The following SGCD variants were observed in gnomAD, a reference collection of about 807,000 sequenced individuals.
The protein encoded by SGCD is delta-sarcoglycan.
Under a neutral mutation model 36.6 loss-of-function variants are expected in SGCD, and 18 were observed. The observed-to-expected ratio is 0.49, with a 90% CI of 0.34 to 0.73. The LOEUF (loss-of-function observed/expected upper bound fraction) is 0.73. Among genes scored for constraint, SGCD ranks in the 30% least tolerant of loss-of-function variants. SGCD has a pLI of 0.01. For missense variants in SGCD, 387 were observed against 346.7 expected (o/e 1.12, Z -0.92); for synonymous variants, 133 against 130.6 (o/e 1.02, Z -0.12).
chr5:156,629,855 C>CTTTTTTTTTTTTTT (rs560099325), intron 6 of SGCD, among the ~76,000 whole-genome samples: 1 of 85,626 alleles, frequency 1.2e-5, no homozygotes, highest in Non-Finnish European at 2.4e-5. Context: ...GAGACTTTTT[C>CTTTTTTTTTTTTTT]TTTTTTTTTT....
chr5:155,998,495 G>A (rs1758600182), intron 1 of SGCD, among the ~76,000 whole-genome samples: 1 of 151,914 alleles, frequency 6.6e-6, no homozygotes, highest in African/African-American at 2.4e-5. Flanking sequence ...TTCCTCTATT[G>A]GCTTACATTG....
intron 3 of SGCD, among the ~76,000 whole-genome samples, chr5:156,284,573 AT>A (rs1766543814): frequency 2.6e-5 from 4 of 152,204 alleles, no homozygotes; most frequent in Non-Finnish European, 4.4e-5. Context: ...GACAAAAACC[AT>A]ATCATTATCT....
intron 6 of SGCD, among the ~76,000 whole-genome samples, chr5:156,633,315 A>G (rs1389399073): frequency 1.3e-5 from 2 of 152,188 alleles, no homozygotes; most frequent in Non-Finnish European, 2.9e-5. Flanking sequence ...CTCAAACAGG[A>G]CTACCTAGGT....
chr5:156,576,409 G>C (rs1037095862), intron 4 of SGCD, among the ~76,000 whole-genome samples: 5 of 152,126 alleles, frequency 3.3e-5, no homozygotes, highest in African/African-American at 1.2e-4. Flanking sequence ...CTTTATAGTA[G>C]CATGATTTAT....
At chr5:156,746,990 T>C in intron 7 of SGCD, among the ~76,000 whole-genome samples, 1 of 152,246 alleles carries the variant, frequency 6.6e-6, no homozygotes, top group Middle Eastern at 3.4e-3. Flanking sequence ...TTACTTAGGA[T>C]ATATACAAAG....
chr5:156,375,002 T>C (rs1770581480), intron 3 of SGCD, among the ~76,000 whole-genome samples: 1 of 152,230 alleles, frequency 6.6e-6, no homozygotes, highest in South Asian at 2.1e-4. Flanking sequence ...TTGTTTTGCG[T>C]GTGTGTGTAA....
intron 3 of SGCD, among the ~76,000 whole-genome samples, chr5:156,284,821 A>T (rs548091591): frequency 1.5e-3 from 222 of 152,320 alleles, no homozygotes; most frequent in African/African-American, 5.1e-3. Flanking sequence ...AGTTCTGGCC[A>T]GGGCAATGAG....
At chr5:156,324,443 GA>G (rs146903647), upstream of SGCD, among the ~76,000 whole-genome samples, 8 of 146,798 alleles carry the variant, frequency 5.4e-5, no homozygotes, top group Admixed American at 2.0e-4. Context: ...ATATGATATT[GA>G]AAAAAAAAAG....
chr5:155,956,825 T>C lies in SGCD; in HGVS notation c.-282+86401T>C, dbSNP rs184491221. Among the ~76,000 whole-genome samples, 364 of 143,160 alleles carry C rather than the reference T, an allele frequency of 2.5e-3. 2 individuals carry two copies. The highest frequency in any genetic ancestry group is 1.8e-3 in the Non-Finnish European group (117 of 65,338). 93.9% of individuals were successfully genotyped at this position (143,160 alleles called of 152,430 possible). On this transcript the variant is annotated intron_variant, in intron 1 of 9. Coordinates refer to the SGCD transcript ENST00000517913. ...CCCCCCCCCGGTTAATCCAGGATGA[T>C]CTAATCTCGAGATCCTTTACTTAGT...
At chr5:155,924,733 C>T (rs556948979) in intron 1 of SGCD, among the ~76,000 whole-genome samples, 9 of 152,006 alleles carry the variant, frequency 5.9e-5, no homozygotes, top group Non-Finnish European at 1.3e-4. Context: ...GAATTGGGGT[C>T]TCCAGATTTT....
At chr5:155,772,943 A>G in the SGCD span, among the ~76,000 whole-genome samples, 1 of 152,104 alleles carries the variant, frequency 6.6e-6, no homozygotes, top group South Asian at 2.1e-4. Context: ...AAGCATGCCC[A>G]CTGTGGAACT....
At chr5:155,924,342 G>A (rs1182709458) in intron 1 of SGCD, among the ~76,000 whole-genome samples, 4 of 152,184 alleles carry the variant, frequency 2.6e-5, no homozygotes, top group Admixed American at 2.6e-4. Flanking sequence ...TGTCAGCACA[G>A]AGGAAGGGAT....
chr5:155,748,050 C>CATCTA, the SGCD span, among the ~76,000 whole-genome samples: 1 of 152,012 alleles, frequency 6.6e-6, no homozygotes, highest in East Asian at 1.9e-4. Flanking sequence ...CCTACCTTTC[C>CATCTA]ATCTTATCTT....
At chr5:156,055,287 C>A (rs1760032432) in intron 1 of SGCD, among the ~76,000 whole-genome samples, 1 of 145,212 alleles carries the variant, frequency 6.9e-6, no homozygotes, top group South Asian at 2.2e-4. Flanking sequence ...GTAAAGGTGG[C>A]TGTTGATTAA....
chr5:156,629,940 C>T (rs958943123), intron 6 of SGCD, among the ~76,000 whole-genome samples: 1 of 148,956 alleles, frequency 6.7e-6, no homozygotes, highest in African/African-American at 2.5e-5. Context: ...TGGCTCACTG[C>T]AACCTCTGCA....
chr5:156,723,875 G>GTGTC (rs1393633779), intron 7 of SGCD, among the ~76,000 whole-genome samples: 35 of 151,856 alleles, frequency 2.3e-4, no homozygotes, highest in Admixed American at 1.3e-4. Flanking sequence ...GTGTGTGTGT[G>GTGTC]TGTATGCATG....
At chr5:156,631,734 A>G (rs528825314) in intron 6 of SGCD, among the ~76,000 whole-genome samples, 28 of 152,184 alleles carry the variant, frequency 1.8e-4, no homozygotes, top group Admixed American at 1.2e-3. Flanking sequence ...TGGTATTGAA[A>G]ATTGACTAGC....
chr5:155,993,337 C>CTT (rs34221751), intron 1 of SGCD, among the ~76,000 whole-genome samples: 86 of 114,506 alleles, frequency 7.5e-4, no homozygotes, highest in Non-Finnish European at 9.0e-4. Context: ...ATCTGGGGTC[C>CTT]TTTTTTTTTT....
rs143242510 is a variant in SGCD at position 156,275,852 on chromosome 5, C to T, written c.-43-53682C>T. Among the ~76,000 whole-genome samples, 1,133 of 152,256 alleles carry T rather than the reference C, an allele frequency of 7.4e-3. 6 individuals are homozygous for T. The highest frequency in any genetic ancestry group is 0.021 in the African/African-American group (879 of 41,532). On this transcript the variant is annotated intron_variant, in intron 3 of 9. Coordinates refer to the SGCD transcript ENST00000517913. ...TGTAATAATGTGAAATGGACCCTCACAACATAAAGTTCCTTATCAGGACCT... is the reference window on the plus strand; with the variant it reads ...TGTAATAATGTGAAATGGACCCTCATAACATAAAGTTCCTTATCAGGACCT...
Sources: gnomAD v4.1 joint callset for allele counts (sites outside exome capture counted in the v4.1 genomes callset) on GRCh38, gnomAD v4.1.1 for gene constraint, MANE v1.5 for transcripts, NCBI Gene and HGNC (gene_info 2026-07-23, HGNC 2026-07-21) for gene names.